NHSL2: variants seen among roughly 807,000 people sequenced by gnomAD.
The protein encoded by NHSL2 is NHS like 2.
In NHSL2, 27 loss-of-function variants were observed where a neutral mutation model predicts 53.4. The ratio of observed to expected loss-of-function variants is 0.51; its 90% confidence interval spans 0.37 to 0.70. The LOEUF (loss-of-function observed/expected upper bound fraction) is 0.70, where lower values mean the gene tolerates loss of function less well. NHSL2 is among the 30% of genes least tolerant of loss of function. The pLI is 0.00. For synonymous variants in NHSL2, 408 were observed against 404.1 expected (o/e 1.01, Z -0.12); for missense variants, 892 against 980.1 (o/e 0.91, Z 1.20).
intron 1 of NHSL2, among the ~76,000 whole-genome samples, chrX:72,008,314 A>G (rs971651101): frequency 1.3e-4 from 15 of 112,381 alleles, no homozygotes; most frequent in African/African-American, 4.5e-4. Context: ...AGAGGACAGG[A>G]GGTATGGACA....
chrX:71,951,754 A>G (rs905551489), intron 1 of NHSL2, among the ~76,000 whole-genome samples: 2 of 112,178 alleles, frequency 1.8e-5, no homozygotes, highest in African/African-American at 6.5e-5. Flanking sequence ...CTTTACTTAA[A>G]GAATGCTTTG....
Position 72,138,554 on chromosome X carries a change from C to G in NHSL2, c.1006C>G (p.Arg336Gly). 1 of 1,167,250 alleles carries G rather than the reference C, an allele frequency of 8.6e-7. No homozygotes were observed. The highest frequency in any genetic ancestry group is 3.3e-5 in the East Asian group (1 of 30,745). The change falls in exon 6 of 8, where the codon CGG (arginine) becomes GGG (glycine). Residue 336 changes from arginine to glycine, a missense_variant. Coordinates refer to ENST00000633930, the MANE Select transcript of NHSL2 (RefSeq NM_001013627.3). Reference protein sequence around the residue: ...HGRVAVGQDARFPSLTSPVLR... With the variant: ...HGRVAVGQDAGFPSLTSPVLR... Reference sequence around the variant, plus strand: ...AAGAGTTGCAGTTGGTCAGGATGCTCGGTTCCCAAGTCTCACCTCGCCAGT... The same window carrying G: ...AAGAGTTGCAGTTGGTCAGGATGCTGGGTTCCCAAGTCTCACCTCGCCAGT...
intron 1 of NHSL2, among the ~76,000 whole-genome samples, chrX:71,916,315 C>T (rs2041627781): frequency 8.9e-6 from 1 of 112,446 alleles, no homozygotes; most frequent in Non-Finnish European, 1.9e-5. Flanking sequence ...GTGCATTTAG[C>T]ATACACATTT....
intron 1 of NHSL2, among the ~76,000 whole-genome samples, chrX:72,053,815 C>T: frequency 8.9e-6 from 1 of 111,854 alleles, no homozygotes; most frequent in Non-Finnish European, 1.9e-5. Context: ...CCTCCACCCC[C>T]ATCTCATTCC....
At chrX:72,048,533 C>A (rs780190732) in intron 1 of NHSL2, among the ~76,000 whole-genome samples, 5 of 109,914 alleles carry the variant, frequency 4.5e-5, no homozygotes, top group Non-Finnish European at 9.5e-5. Context: ...CCACTGGGGT[C>A]CTGAGGAGAG....
intron 1 of NHSL2, among the ~76,000 whole-genome samples, chrX:72,056,002 TG>T (rs1487071086): frequency 8.9e-6 from 1 of 112,028 alleles, no homozygotes; most frequent in Non-Finnish European, 1.9e-5. Context: ...TTTTTTGTAA[TG>T]GCAAAATAGA....
At chrX:71,953,131 C>T (rs1157369345) in intron 1 of NHSL2, among the ~76,000 whole-genome samples, 1 of 111,108 alleles carries the variant, frequency 9.0e-6, no homozygotes, top group African/African-American at 3.3e-5. Context: ...GAGAAGTTTC[C>T]AGGATAAGAC....
intron 1 of NHSL2, among the ~76,000 whole-genome samples, chrX:72,076,003 A>C (rs2041739355): frequency 9.1e-6 from 1 of 110,009 alleles, no homozygotes; most frequent in Admixed American, 9.7e-5. Context: ...GCACGATCTC[A>C]GCCCACTGCA....
At chrX:71,975,354 C>T (rs2147862266) in intron 1 of NHSL2, among the ~76,000 whole-genome samples, 1 of 111,670 alleles carries the variant, frequency 9.0e-6, no homozygotes, top group South Asian at 3.8e-4. Flanking sequence ...CCACAGCTTC[C>T]CAGCACACCT....
intron 1 of NHSL2, among the ~76,000 whole-genome samples, chrX:72,021,513 A>G (rs1388459485): frequency 8.9e-6 from 1 of 112,060 alleles, no homozygotes; most frequent in Non-Finnish European, 1.9e-5. Context: ...ATACTGGGGT[A>G]GCATTATTAT....
intron 1 of NHSL2, among the ~76,000 whole-genome samples, chrX:71,963,995 A>ATG (rs1569467061): frequency 1.5e-4 from 6 of 39,764 alleles, no homozygotes; most frequent in African/African-American, 9.5e-4. Flanking sequence ...ATATATATGT[A>ATG]TATACATATA....
At chrX:72,014,461 C>T (rs1157559796) in intron 1 of NHSL2, among the ~76,000 whole-genome samples, 1 of 111,492 alleles carries the variant, frequency 9.0e-6, no homozygotes, top group African/African-American at 3.3e-5. Context: ...TTAGTTGCAT[C>T]TCATAAATTT....
At chrX:71,988,431 A>G (rs1247538484) in intron 1 of NHSL2, among the ~76,000 whole-genome samples, 1 of 111,540 alleles carries the variant, frequency 9.0e-6, no homozygotes, top group Non-Finnish European at 1.9e-5. Flanking sequence ...CTTAGTCGAG[A>G]GGGACTTTAC....
At chrX:72,057,888 A>G (rs1003286383) in intron 1 of NHSL2, among the ~76,000 whole-genome samples, 5 of 112,316 alleles carry the variant, frequency 4.5e-5, no homozygotes, top group Admixed American at 9.4e-5. Context: ...AAAAGGGGGG[A>G]AAAGCCACCA....
intron 1 of NHSL2, among the ~76,000 whole-genome samples, chrX:71,942,970 C>CTG (rs1348513435): frequency 3.5e-3 from 60 of 17,083 alleles, no homozygotes; most frequent in African/African-American, 8.1e-3. Context: ...CTCTCTCTCT[C>CTG]TCTGTGTGTG....
chrX:72,043,713 C>T, intron 1 of NHSL2, among the ~76,000 whole-genome samples: 1 of 111,762 alleles, frequency 8.9e-6, no homozygotes, highest in Non-Finnish European at 1.9e-5. Flanking sequence ...TTGAGCCACA[C>T]ATGTTGATTA....
chrX:72,106,425 A>C (rs1315660282), intron 1 of NHSL2, among the ~76,000 whole-genome samples: 1 of 112,089 alleles, frequency 8.9e-6, no homozygotes, highest in Non-Finnish European at 1.9e-5. Flanking sequence ...ATACCATCTC[A>C]TGCCAGTTAG....
chrX:72,100,642 G>A (rs1230825232), intron 1 of NHSL2, among the ~76,000 whole-genome samples: 1 of 111,825 alleles, frequency 8.9e-6, no homozygotes, highest in Non-Finnish European at 1.9e-5. Context: ...ATTCTCATAG[G>A]AGCAGGAACC....
intron 1 of NHSL2, chrX:71,965,911 A>C (rs1422928002): frequency 8.9e-6 from 1 of 112,723 alleles, no homozygotes; most frequent in Admixed American, 9.4e-5. Context: ...GATGTATGAC[A>C]TACAAAAAGC....
Sources: gnomAD v4.1 joint callset for allele counts (sites outside exome capture counted in the v4.1 genomes callset) on GRCh38, gnomAD v4.1.1 for gene constraint, MANE v1.5 for transcripts, NCBI Gene and HGNC (gene_info 2026-07-23, HGNC 2026-07-21) for gene names.